The following MRPS28 variants were observed in gnomAD, a reference collection of about 807,000 sequenced individuals.
MRPS28 encodes mitochondrial ribosomal protein S28.
MRPS28 carries 7 observed loss-of-function variants against 10.8 expected under a neutral mutation model. The ratio of observed to expected loss-of-function variants is 0.65; its 90% confidence interval spans 0.37 to 1.22. The LOEUF (loss-of-function observed/expected upper bound fraction) is 1.22, where lower values mean the gene tolerates loss of function less well. MRPS28 is among the 50% of genes most tolerant of loss of function. The probability of loss-of-function intolerance (pLI) is 0.02; values close to 1 mark genes in which losing one functional copy is unlikely to be tolerated. For synonymous variants in MRPS28, 121 were observed against 93.3 expected (o/e 1.30, Z -1.71); for missense variants, 265 against 232.9 (o/e 1.14, Z -0.90).
At chr8:79,921,380 C>T (rs972148890) in intron 2 of MRPS28, among the ~76,000 whole-genome samples, 68 of 152,174 alleles carry the variant, frequency 4.5e-4, no homozygotes, top group Middle Eastern at 3.4e-3. Context: ...TTACCTTGGG[C>T]AGTATGGCCA....
chr8:79,985,296 A>G (rs1808120609), intron 2 of MRPS28, among the ~76,000 whole-genome samples: 1 of 152,252 alleles, frequency 6.6e-6, no homozygotes, highest in South Asian at 2.1e-4. Context: ...GGAAATTTAT[A>G]GCACTAAATG....
At chr8:79,921,529 G>A (rs1328456273) in intron 2 of MRPS28, among the ~76,000 whole-genome samples, 1 of 151,116 alleles carries the variant, frequency 6.6e-6, no homozygotes, top group African/African-American at 2.4e-5. Context: ...TGGATTCCTA[G>A]GTATTTTATT....
intron 2 of MRPS28, among the ~76,000 whole-genome samples, chr8:79,987,719 A>T (rs1372224903): frequency 1.3e-5 from 2 of 152,226 alleles, no homozygotes; most frequent in East Asian, 3.8e-4. Flanking sequence ...AATCAAAACC[A>T]CAATGAGATA....
chr8:80,002,419 T>C (rs1477938157), intron 2 of MRPS28, among the ~76,000 whole-genome samples: 1 of 152,166 alleles, frequency 6.6e-6, no homozygotes, highest in Non-Finnish European at 1.5e-5. Context: ...ATCACTTCTA[T>C]CTCGTTTACT....
chr8:80,029,698 T>C (rs569017627), intron 1 of MRPS28: 63 of 1,377,296 alleles, frequency 4.6e-5, no homozygotes, highest in East Asian at 2.2e-4. Flanking sequence ...GTGAGTCCCA[T>C]TCTCCTTAGC....
chr8:79,983,769 C>G (rs897157804), intron 2 of MRPS28, among the ~76,000 whole-genome samples: 7 of 152,122 alleles, frequency 4.6e-5, no homozygotes, highest in African/African-American at 1.7e-4. Flanking sequence ...AAATATGGGA[C>G]TATGTGAAAA....
intron 2 of MRPS28, among the ~76,000 whole-genome samples, chr8:79,994,661 CG>C (rs1808454847): frequency 6.6e-6 from 1 of 152,000 alleles, no homozygotes; most frequent in African/African-American, 2.4e-5. Flanking sequence ...ATCCTTCTTC[CG>C]AAATATGCTC....
At chr8:79,953,530 T>G (rs1807130813) in intron 2 of MRPS28, among the ~76,000 whole-genome samples, 1 of 152,192 alleles carries the variant, frequency 6.6e-6, no homozygotes, top group African/African-American at 2.4e-5. Flanking sequence ...AAATGAAATT[T>G]GACTTCTACC....
chr8:80,019,757 C>T (rs1809304226), intron 1 of MRPS28, among the ~76,000 whole-genome samples: 1 of 152,036 alleles, frequency 6.6e-6, no homozygotes, highest in African/African-American at 2.4e-5. Context: ...AGAAAAAAAC[C>T]TCCTGGAATA....
intron 2 of MRPS28, chr8:79,957,317 C>A (rs919562509): frequency 6.6e-6 from 1 of 152,042 alleles, no homozygotes; most frequent in African/African-American, 2.4e-5. Flanking sequence ...CATGCTGCCA[C>A]ATTTTTTGGC....
At chr8:79,934,161 G>A (rs1806543161) in intron 2 of MRPS28, among the ~76,000 whole-genome samples, 1 of 152,160 alleles carries the variant, frequency 6.6e-6, no homozygotes, top group Non-Finnish European at 1.5e-5. Flanking sequence ...TGAGAATTAG[G>A]AGCAGTGTAA....
In MRPS28 at chr8:79,997,030, T is replaced by C. The variant is rs144671425; in HGVS notation, c.395+5969A>G. Among the ~76,000 whole-genome samples, 932 of 152,304 alleles carry C rather than the reference T, an allele frequency of 6.1e-3. 8 individuals are homozygous for C. Among genetic ancestry groups the C allele is most frequent in the Middle Eastern group, 0.017 (5 of 294 alleles). Reference sequence around the variant, plus strand: ...TACTATCTATGTTTGTTGTGAAGAATATATAAGACAATATACATAAAATAC... The same window carrying C: ...TACTATCTATGTTTGTTGTGAAGAACATATAAGACAATATACATAAAATAC... On this transcript the variant is annotated intron_variant, in intron 2 of 2. Transcript: ENST00000276585.
At chr8:79,988,332 T>C (rs916431016) in intron 2 of MRPS28, among the ~76,000 whole-genome samples, 12 of 150,780 alleles carry the variant, frequency 8.0e-5, no homozygotes, top group Non-Finnish European at 1.3e-4. Flanking sequence ...AAATGACAAG[T>C]TAATGGGTGC....
At chr8:79,963,949 A>G (rs1295052648) in intron 2 of MRPS28, among the ~76,000 whole-genome samples, 1 of 152,158 alleles carries the variant, frequency 6.6e-6, no homozygotes, top group Non-Finnish European at 1.5e-5. Context: ...GAGTTAAAAT[A>G]TAAAAAAGGT....
chr8:79,923,436 A>G (rs936544309), intron 2 of MRPS28, among the ~76,000 whole-genome samples: 12 of 152,210 alleles, frequency 7.9e-5, no homozygotes, highest in African/African-American at 2.9e-4. Flanking sequence ...TATTGCTGCT[A>G]TTCAACTCAT....
chr8:80,002,227 C>G (rs1215445316), intron 2 of MRPS28, among the ~76,000 whole-genome samples: 1 of 152,048 alleles, frequency 6.6e-6, no homozygotes, highest in Non-Finnish European at 1.5e-5. Flanking sequence ...CCAAAAACTT[C>G]TTAAACACTG....
At chr8:79,970,810 TAA>T (rs200061881) in intron 2 of MRPS28, among the ~76,000 whole-genome samples, 1,563 of 152,292 alleles carry the variant, frequency 0.01, 79 homozygotes, top group Admixed American at 0.089. Flanking sequence ...TTGCTATAAA[TAA>T]AGTCTGTGGT....
intron 2 of MRPS28, among the ~76,000 whole-genome samples, chr8:79,984,853 T>A (rs1376487595): frequency 6.6e-6 from 1 of 152,158 alleles, no homozygotes; most frequent in Admixed American, 6.5e-5. Context: ...ACAGTCAACA[T>A]TAGACAGATC....
intron 2 of MRPS28, among the ~76,000 whole-genome samples, chr8:79,973,978 C>T (rs965340248): frequency 2.6e-5 from 4 of 152,100 alleles, no homozygotes; most frequent in Non-Finnish European, 5.9e-5. Context: ...TCTCAAACTC[C>T]TGACCTCAAA....
Sources: allele counts gnomAD v4.1 joint callset (sites outside exome capture counted in the v4.1 genomes callset), GRCh38; gene constraint gnomAD v4.1.1; transcripts MANE v1.5; gene names NCBI Gene and HGNC (gene_info 2026-07-23, HGNC 2026-07-21).